The following CAMK2D variants were observed in gnomAD, a reference collection of about 807,000 sequenced individuals.
The protein encoded by CAMK2D is calcium/calmodulin dependent protein kinase II delta.
Under a neutral mutation model 84.0 loss-of-function variants are expected in CAMK2D, and 37 were observed. The observed-to-expected ratio is 0.44, with a 90% CI of 0.34 to 0.58. The LOEUF (loss-of-function observed/expected upper bound fraction) is 0.58. CAMK2D is among the 20% of genes least tolerant of loss of function. CAMK2D has a pLI of 0.02. For synonymous variants in CAMK2D, 202 were observed against 212.5 expected (o/e 0.95, Z 0.43); for missense variants, 448 against 652.5 (o/e 0.69, Z 3.41).
At chr4:113,680,023 T>C (rs1278455267) in intron 2 of CAMK2D, among the ~76,000 whole-genome samples, 1 of 152,224 alleles carries the variant, frequency 6.6e-6, no homozygotes, top group Non-Finnish European at 1.5e-5. Context: ...TAGTAATTTG[T>C]GGCTTGAGGA....
chr4:113,488,770 T>C (rs2097790747), intron 16 of CAMK2D, among the ~76,000 whole-genome samples: 1 of 152,210 alleles, frequency 6.6e-6, no homozygotes, highest in South Asian at 2.1e-4. Context: ...ACTTTATTAC[T>C]ATAGAGTGAG....
At chr4:113,735,464 G>C (rs1042537787) in intron 2 of CAMK2D, among the ~76,000 whole-genome samples, 2 of 124,112 alleles carry the variant, frequency 1.6e-5, no homozygotes, top group African/African-American at 9.8e-5. Context: ...GACAGAGTGA[G>C]ACCGTCTCAA....
chr4:113,560,710 A>C (rs997900279), intron 4 of CAMK2D, among the ~76,000 whole-genome samples: 3 of 152,120 alleles, frequency 2.0e-5, no homozygotes. Context: ...ACATTACACC[A>C]ATCAGTGCCC....
chr4:113,575,657 A>C (rs925475376), intron 4 of CAMK2D, among the ~76,000 whole-genome samples: 1 of 152,136 alleles, frequency 6.6e-6, no homozygotes, highest in Non-Finnish European at 1.5e-5. Flanking sequence ...TCAGCTCTTT[A>C]TTCTTCTTGT....
intron 2 of CAMK2D, among the ~76,000 whole-genome samples, chr4:113,721,448 G>A (rs1251683866): frequency 6.6e-6 from 1 of 152,140 alleles, no homozygotes; most frequent in African/African-American, 2.4e-5. Context: ...CCTGAGGACT[G>A]GGAAATTCTA....
chr4:113,515,529 T>G (rs1264832923), intron 9 of CAMK2D, among the ~76,000 whole-genome samples: 2 of 152,178 alleles, frequency 1.3e-5, no homozygotes, highest in Non-Finnish European at 2.9e-5. Flanking sequence ...AAAATGAAAT[T>G]TTATACAATC....
At chr4:113,495,553 A>G (rs1285072064) in intron 16 of CAMK2D, among the ~76,000 whole-genome samples, 1 of 152,210 alleles carries the variant, frequency 6.6e-6, no homozygotes, top group Non-Finnish European at 1.5e-5. Context: ...AGACCCACAC[A>G]GAGAGCTCAT....
At chr4:113,711,083 G>A (rs1291234631) in intron 2 of CAMK2D, among the ~76,000 whole-genome samples, 4 of 150,346 alleles carry the variant, frequency 2.7e-5, no homozygotes, top group Admixed American at 1.3e-4. Flanking sequence ...AAAATTCACT[G>A]AATTTTAGAT....
chr4:113,609,163 C>G lies in CAMK2D; in HGVS notation c.264G>C (p.Leu88Phe). 6.4e-7 allele frequency: 1 copy of G among 1,572,210 alleles called. No homozygotes were observed. The highest frequency in any genetic ancestry group is 8.8e-7 in the Non-Finnish European group (1 of 1,142,190). ...GAGTATATACTTACAAATCAAACAC[C>G]AAGTAGTGAAAGCCCTCTTCTGATA... is the stretch of plus-strand genomic sequence containing the variant. Reference protein sequence around the residue: ...DSISEEGFHYLVFDLVTGGEL... With the variant: ...DSISEEGFHYFVFDLVTGGEL... The change falls in exon 4 of 21, where the codon TTG (leucine) becomes TTC (phenylalanine). Residue 88 changes from leucine to phenylalanine, a missense_variant. By Grantham distance (22) the Leu-to-Phe change is conservative. Around this residue, in one of 7 missense-constraint regions of CAMK2D, gnomAD observed 46 missense variants for 46.3 expected, o/e 0.99. Coordinates refer to ENST00000511664, the MANE Select transcript of CAMK2D (RefSeq NM_001321571.2).
chr4:113,732,725 C>T (rs1369913757), intron 2 of CAMK2D, among the ~76,000 whole-genome samples: 1 of 152,086 alleles, frequency 6.6e-6, no homozygotes, highest in Admixed American at 6.5e-5. Context: ...TGACTTTTTA[C>T]ATATTATTTA....
chr4:113,622,467 A>G (rs1314308276), intron 3 of CAMK2D, among the ~76,000 whole-genome samples: 1 of 152,158 alleles, frequency 6.6e-6, no homozygotes, highest in Non-Finnish European at 1.5e-5. Flanking sequence ...CATCTTTGTT[A>G]GGAAAAAAAT....
intron 2 of CAMK2D, chr4:113,755,007 A>C (rs1345133629): frequency 3.0e-6 from 3 of 983,778 alleles, no homozygotes; most frequent in East Asian, 2.3e-4. Flanking sequence ...ATCAGAACTT[A>C]ATCCATCTAC....
intron 4 of CAMK2D, among the ~76,000 whole-genome samples, chr4:113,588,087 G>T (rs557886517): frequency 9.2e-5 from 14 of 152,150 alleles, no homozygotes; most frequent in African/African-American, 3.1e-4. Flanking sequence ...TCTTTCCAGA[G>T]ACTCCATTGA....
chr4:113,739,623 G>C (rs2099588438), intron 2 of CAMK2D, among the ~76,000 whole-genome samples: 1 of 152,122 alleles, frequency 6.6e-6, no homozygotes, highest in Non-Finnish European at 1.5e-5. Flanking sequence ...TTCAATAATA[G>C]GTTGATGTTT....
chr4:113,700,062 A>G (rs2099413467), intron 2 of CAMK2D, among the ~76,000 whole-genome samples: 1 of 152,158 alleles, frequency 6.6e-6, no homozygotes, highest in Non-Finnish European at 1.5e-5. Context: ...TGGAAACGCA[A>G]GTATGTAATA....
Position 113,609,163 on chromosome 4 carries a change from C to A in CAMK2D, c.264G>T (p.Leu88Phe). Residue 88 changes from leucine (L) to phenylalanine (F), a missense_variant, in exon 4 of 21, where the codon TTG becomes TTT. This residue lies in a region of CAMK2D where 46 missense variants were observed against 46.3 expected (regional missense o/e 0.99). Transcript: ENST00000511664. The part of the protein sequence containing the change: ...DSISEEGFHY[L>F]VFDLVTGGEL... The stretch of plus-strand genomic sequence containing the variant: ...GAGTATATACTTACAAATCAAACAC[C>A]AAGTAGTGAAAGCCCTCTTCTGATA... 6.4e-7 allele frequency: 1 copy of A among 1,572,210 alleles called. No individual in the cohort carries two copies. The highest frequency in any genetic ancestry group is 8.8e-7 in the Non-Finnish European group (1 of 1,142,190).
Position 113,509,632 on chromosome 4 carries a change from A to T in CAMK2D, c.984+6T>A. On this transcript the variant is annotated splice_donor_region_variant and intron_variant, in intron 13 of 20. Transcript: ENST00000511664. Reference sequence around the variant, plus strand: ...GAAATGGATTAGGGGCATCTGTTTAACTTACCTTTACTCCATCTGGTTTCT... The same window carrying T: ...GAAATGGATTAGGGGCATCTGTTTATCTTACCTTTACTCCATCTGGTTTCT... 2 of 1,591,294 alleles carry T rather than the reference A, an allele frequency of 1.3e-6. No individual in the cohort carries two copies. Among genetic ancestry groups the T allele is most frequent in the Non-Finnish European group, 1.7e-6 (2 of 1,159,222 alleles).
intron 4 of CAMK2D, among the ~76,000 whole-genome samples, chr4:113,572,828 G>A (rs770546598): frequency 6.6e-6 from 1 of 152,168 alleles, no homozygotes; most frequent in Non-Finnish European, 1.5e-5. Context: ...TAAAGAAAAT[G>A]TGGTACATAT....
rs532398444 is a variant in CAMK2D, at chr4:113,589,250, G to A, written c.275+19902C>T. ...TGTGTTGAGAGAAGACTATATGAAG[G>A]TGAGGGTAGAAAGAGGAAAACTAGT... On this transcript the variant is annotated intron_variant, in intron 4 of 20. Coordinates refer to ENST00000511664, the MANE Select transcript of CAMK2D (RefSeq NM_001321571.2). 9.9e-5 allele frequency among the ~76,000 whole-genome samples: 15 copies of A among 152,248 alleles called. No individual in the cohort carries two copies. In the South Asian group the frequency reaches 3.1e-3, roughly 32 times the overall value.
Sources: gnomAD v4.1 joint callset for allele counts (sites outside exome capture counted in the v4.1 genomes callset) on GRCh38, gnomAD v4.1.1 for gene constraint, gnomAD v4.1.1 regional missense constraint, MANE v1.5 for transcripts, NCBI Gene and HGNC (gene_info 2026-07-23, HGNC 2026-07-21) for gene names.